Variants in RAMAC observed in about 807,000 individuals in gnomAD.
The protein encoded by RAMAC is RNA guanine-N7 methyltransferase activating subunit.
RAMAC carries 11 observed loss-of-function variants against 17.9 expected under a neutral mutation model. That is an observed-to-expected ratio of 0.61 (90% CI 0.39 to 1.02). The LOEUF is 1.02. Ranked by LOEUF, RAMAC falls within the 50% of genes least tolerant of loss-of-function variation. The pLI is 0.01. For synonymous variants in RAMAC, 27 were observed against 48.4 expected, an observed-to-expected ratio of 0.56 and a Z score of 1.84; for missense variants, 109 against 144.0, an observed-to-expected ratio of 0.76 and a Z score of 1.25.
At chr15:82,988,796 T>C in intron 2 of RAMAC, 1 of 498,576 alleles carries the variant, frequency 2.0e-6, no homozygotes, top group Non-Finnish European at 3.6e-6. Flanking sequence ...GTTGTGCCGC[T>C]GTGCTCCAGC....
chr15:82,986,239 C>G lies in RAMAC; in HGVS notation c.-189C>G, dbSNP rs908382869. On this transcript the variant is annotated 5_prime_UTR_variant, in exon 1 of 4. Transcript: ENST00000304191. ...GGTTGTCGGATTTTAGAGGAAGGCGCTCGGTTACATTGGAGAACTGGAGTG... is the reference window on the plus strand; with the variant it reads ...GGTTGTCGGATTTTAGAGGAAGGCGGTCGGTTACATTGGAGAACTGGAGTG... 1.2e-5 allele frequency: 4 copies of G among 329,446 alleles called. No homozygotes were observed. The highest frequency in any genetic ancestry group is 2.4e-4 in the South Asian group (2 of 8,230). The allele number at this position is 329,446 out of a possible 1,614,324, so 20.4% of individuals were successfully genotyped here. A position where few individuals can be genotyped will look rare whatever the true frequency, so the allele number is the denominator to read the frequency against.
At chr15:82,986,448 G>T (rs1185684878) in intron 1 of RAMAC, 79 bp downstream of exon 1, 1 of 152,328 alleles carries the variant, frequency 6.6e-6, no homozygotes, top group Non-Finnish European at 1.5e-5. Flanking sequence ...CCCCCTGTGC[G>T]GTGATCTGTA....
chr15:82,987,668 T>C (rs767021960), intron 2 of RAMAC, among the ~76,000 whole-genome samples: 5 of 152,210 alleles, frequency 3.3e-5, no homozygotes, highest in South Asian at 2.1e-4. Flanking sequence ...GAATTTGATA[T>C]AGTTTGCCAA....
Position 82,989,180 on chromosome 15 carries a change from A to T in RAMAC, c.162A>T (p.Arg54Ser). ...NSRAGGNQRN[R>S]GNRLQDNRQF... is the part of the protein sequence containing the mutation. ...GAGCTGGTGGGAACCAAAGAAACAG[A>T]GGCAATCGGTGTGTATTCAAAAGAA... Residue 54 changes from arginine to serine, a missense_variant, in exon 3 of 4, where the codon AGA becomes AGT. By Grantham distance (110) the Arg-to-Ser change is moderately radical. Transcript: ENST00000304191. The T allele has an allele frequency of 6.2e-7, 1 of 1,612,612 alleles. No homozygotes were observed. The highest frequency in any genetic ancestry group is 8.5e-7 in the Non-Finnish European group (1 of 1,179,526).
Position 82,986,249 on chromosome 15 carries a change from T to A in RAMAC, c.-179T>A, listed in dbSNP as rs542409633. 1 of 250,316 alleles carries A rather than the reference T, an allele frequency of 4.0e-6. No homozygotes were observed. The highest frequency in any genetic ancestry group is 2.3e-5 in the African/African-American group (1 of 43,228). 15.5% of individuals were successfully genotyped at this position (250,316 alleles called of 1,614,324 possible). On this transcript the variant is annotated 5_prime_UTR_variant, in exon 1 of 4. It adds an upstream start codon to the 5' untranslated region. Coordinates refer to ENST00000304191, the MANE Select transcript of RAMAC (RefSeq NM_031452.4). ...TTTTAGAGGAAGGCGCTCGGTTACA[T>A]TGGAGAACTGGAGTGGTCTGGAGTT...
At chr15:82,988,620 C>T (rs897783892) in intron 2 of RAMAC, 6 of 379,792 alleles carry the variant, frequency 1.6e-5, no homozygotes, top group East Asian at 1.0e-4. Flanking sequence ...GGAGGATCAC[C>T]GAAGCCCAAG....
intron 2 of RAMAC, 159 bp from the exon 3 acceptor site, chr15:82,988,851 A>G: frequency 1.5e-6 from 1 of 663,222 alleles, no homozygotes. Flanking sequence ...AAAAAAAAAA[A>G]TGTTGAATTC....
At position 82,991,054 on chromosome 15, in the gene RAMAC, C is replaced by CCA. The variant is rs1322153702; in HGVS notation, c.*988_*989dup. ...TTAAAATATTTAAGCATCTTCACTC[C>CCA]CAAGTTCTGGCAGTTAGCCCATTTA... On this transcript the variant is annotated 3_prime_UTR_variant, in exon 4 of 4. Coordinates refer to ENST00000304191, the MANE Select transcript of RAMAC (RefSeq NM_031452.4). 1.3e-5 allele frequency: 2 copies of CCA among 157,878 alleles called. No homozygotes were observed. Among genetic ancestry groups the CCA allele is most frequent in the Admixed American group, 6.3e-5 (1 of 15,830 alleles). The allele number at this position is 157,878 out of a possible 1,614,324, so 9.8% of individuals were successfully genotyped here. A position where few individuals can be genotyped will look rare whatever the true frequency, so the allele number is the denominator to read the frequency against.
At position 82,990,108 on chromosome 15, in the gene RAMAC, T is replaced by C. The variant is rs2030797758; in HGVS notation, c.*41T>C. 1 of 950,752 alleles carries C rather than the reference T, an allele frequency of 1.1e-6. No individual in the cohort carries two copies. The highest frequency in any genetic ancestry group is 1.5e-6 in the Non-Finnish European group (1 of 685,916). The allele number at this position is 950,752 out of a possible 1,614,324, so 58.9% of individuals were successfully genotyped here. A position where few individuals can be genotyped will look rare whatever the true frequency, so the allele number is the denominator to read the frequency against. On this transcript the variant is annotated 3_prime_UTR_variant, in exon 4 of 4. Transcript: ENST00000304191. ...CTTTTAGTAAAAGCATTTACTCTGT[T>C]ACCATGAGAAAAGTTTGGGTGTCTT...
rs2030815511 is a variant in RAMAC at position 82,990,645 on chromosome 15, C to A, written c.*578C>A. 12 of 1,525,508 alleles carry A rather than the reference C, an allele frequency of 7.9e-6. No individual in the cohort carries two copies. In the South Asian group the frequency reaches 1.3e-4, roughly 17 times the overall value. The allele number at this position is 1,525,508 out of a possible 1,614,324, so 94.5% of individuals were successfully genotyped here. On this transcript the variant is annotated 3_prime_UTR_variant, in exon 4 of 4. Coordinates refer to ENST00000304191, the MANE Select transcript of RAMAC (RefSeq NM_031452.4). ...CTTGAGTCTCTTTTTAGAGGGAAAT[C>A]AGTAATAAAGCTGTAAAATAAGGAA...
rs1486922253 is a variant in RAMAC, at chr15:82,987,381, T to TG, written c.-10+1dup. 1 of 152,242 alleles carries TG rather than the reference T, an allele frequency of 6.6e-6. No individual in the cohort carries two copies. Among genetic ancestry groups the TG allele is most frequent in the Non-Finnish European group, 1.5e-5 (1 of 68,042 alleles). The allele number at this position is 152,242 out of a possible 1,614,324, so 9.4% of individuals were successfully genotyped here. On this transcript the variant is annotated 5_prime_UTR_variant, in exon 2 of 4. Coordinates refer to ENST00000304191, the MANE Select transcript of RAMAC (RefSeq NM_031452.4). ...AAGCAGTACAGCTGCCTCAAACCTT[T>TG]GGGGTAAGTAAAGCTTGGGTCGATT... is the stretch of plus-strand genomic sequence containing the variant.
Position 82,986,257 on chromosome 15 carries a change from C to G in RAMAC, c.-171C>G, listed in dbSNP as rs1596393706. The G allele has an allele frequency of 5.2e-6, 1 of 193,034 alleles. No homozygotes were observed. The highest frequency in any genetic ancestry group is 9.5e-6 in the Non-Finnish European group (1 of 105,430). The allele number at this position is 193,034 out of a possible 1,614,324, so 12.0% of individuals were successfully genotyped here. ...GAAGGCGCTCGGTTACATTGGAGAA[C>G]TGGAGTGGTCTGGAGTTCCACGGTG... On this transcript the variant is annotated 5_prime_UTR_variant, in exon 1 of 4. Transcript: ENST00000304191.
rs755981523 is a variant in RAMAC at position 82,989,004 on chromosome 15, G to A, written c.-9-6G>A. On this transcript the variant is annotated splice_polypyrimidine_tract_variant and splice_region_variant and intron_variant, in intron 2 of 3. Transcript: ENST00000304191. ...TTTTAATGGAAATGTCTTTAAAATTGTACAGATTTTCAGAATGACTGACAC... is the reference window on the plus strand; with the variant it reads ...TTTTAATGGAAATGTCTTTAAAATTATACAGATTTTCAGAATGACTGACAC... The A allele has an allele frequency of 1.9e-5, 30 of 1,588,646 alleles. No homozygotes were observed. The South Asian group carries it at 3.2e-4, about 17-fold the overall frequency.
rs574641189 is a variant in RAMAC, at chr15:82,989,394, T to G, written c.170+206T>G. On this transcript the variant is annotated intron_variant, in intron 3 of 3. Transcript: ENST00000304191. Reference sequence around the variant, plus strand: ...ATGTATTTTTTCCTTGCTGTTCAAGTGCGTGTGTTTTTTTGTTTTTAGATG... The same window carrying G: ...ATGTATTTTTTCCTTGCTGTTCAAGGGCGTGTGTTTTTTTGTTTTTAGATG... 4.6e-5 allele frequency among the ~76,000 whole-genome samples: 7 copies of G among 152,348 alleles called. No individual in the cohort carries two copies. In the East Asian group the frequency reaches 1.3e-3, roughly 29 times the overall value.
rs1233745551 is a variant in RAMAC at position 82,988,021 on chromosome 15, G to A, written c.-10+637G>A. 2.3e-5 allele frequency among the ~76,000 whole-genome samples: 3 copies of A among 131,708 alleles called. No individual in the cohort carries two copies. The East Asian group carries it at 7.1e-4, about 31-fold the overall frequency. 86.4% of individuals were successfully genotyped at this position (131,708 alleles called of 152,430 possible). The stretch of plus-strand genomic sequence containing the variant: ...TTGCACTCTAGCCTGGGCAACAAGA[G>A]TGAAACTCCGTCTCAAAAAAAAAAA... On this transcript the variant is annotated intron_variant, in intron 2 of 3. Coordinates refer to ENST00000304191, the MANE Select transcript of RAMAC (RefSeq NM_031452.4).
intron 1 of RAMAC, 84 bp downstream of exon 1, chr15:82,986,453 TC>T (rs1259580495): frequency 6.6e-6 from 1 of 152,238 alleles, no homozygotes; most frequent in African/African-American, 2.4e-5. Context: ...TGTGCGGTGA[TC>T]TGTACTCTTT....
chr15:82,988,678 C>G (rs1007296256), intron 2 of RAMAC: 1 of 445,534 alleles, frequency 2.2e-6, no homozygotes. Context: ...TCAAAAAATA[C>G]GAAAATTAGC....
In RAMAC at chr15:82,989,071, G is replaced by A; in HGVS notation, c.53G>A (p.Arg18Lys). The A allele has an allele frequency of 3.7e-6, 6 of 1,613,766 alleles. No homozygotes were observed. Among genetic ancestry groups the A allele is most frequent in the Non-Finnish European group, 5.1e-6 (6 of 1,179,798 alleles). Residue 18 changes from arginine (R) to lysine (K), a missense_variant, in exon 3 of 4, where the codon AGA (arginine) becomes AAA (lysine). Physicochemically the swap from Arg to Lys is conservative, Grantham distance 26. Transcript: ENST00000304191. ...AAGTTTGAAGAGATGTTTGCTAGTA[G>A]ATTCACAGAAAATGACAAGGAGTAT... is the stretch of plus-strand genomic sequence containing the variant. ...VPKFEEMFAS[R>K]FTENDKEYQE...
rs1168218955 is a variant in RAMAC at position 82,990,649 on chromosome 15, A to G, written c.*582A>G. 3 of 1,530,286 alleles carry G rather than the reference A, an allele frequency of 2.0e-6. No homozygotes were observed. The highest frequency in any genetic ancestry group is 2.7e-6 in the Non-Finnish European group (3 of 1,128,154). The allele number at this position is 1,530,286 out of a possible 1,614,324, so 94.8% of individuals were successfully genotyped here. A position where few individuals can be genotyped will look rare whatever the true frequency, so the allele number is the denominator to read the frequency against. On this transcript the variant is annotated 3_prime_UTR_variant, in exon 4 of 4. Coordinates refer to ENST00000304191, the MANE Select transcript of RAMAC (RefSeq NM_031452.4). ...AGTCTCTTTTTAGAGGGAAATCAGT[A>G]ATAAAGCTGTAAAATAAGGAAGGAA...
Sources: allele counts gnomAD v4.1 joint callset (sites outside exome capture counted in the v4.1 genomes callset), GRCh38; gene constraint gnomAD v4.1.1; transcripts MANE v1.5; gene names NCBI Gene and HGNC (gene_info 2026-07-23, HGNC 2026-07-21).